FNBP1L: variants seen among roughly 807,000 people sequenced by gnomAD.
FNBP1L encodes the protein formin-binding protein 1-like.
Under a neutral mutation model 91.2 loss-of-function variants are expected in FNBP1L, and 36 were observed. The ratio of observed to expected loss-of-function variants is 0.39; its 90% confidence interval spans 0.30 to 0.52. FNBP1L has a LOEUF of 0.52. FNBP1L is among the 20% of genes least tolerant of loss of function. FNBP1L has a pLI of 0.66. For missense variants in FNBP1L, 571 were observed against 732.1 expected, an observed-to-expected ratio of 0.78 and a Z score of 2.54; for synonymous variants, 242 against 237.0, an observed-to-expected ratio of 1.02 and a Z score of -0.19.
At chr1:93,542,573 C>G (rs1307352181) in intron 11 of FNBP1L, among the ~76,000 whole-genome samples, 1 of 149,814 alleles carries the variant, frequency 6.7e-6, no homozygotes, top group East Asian at 2.0e-4. Context: ...TTAAATGTTA[C>G]ATTTAATTAT....
intron 15 of FNBP1L, among the ~76,000 whole-genome samples, chr1:93,550,004 T>C (rs1302442213): frequency 6.6e-6 from 1 of 152,166 alleles, no homozygotes; most frequent in African/African-American, 2.4e-5. Context: ...CTCCTGCAGA[T>C]TTTTAGTTCC....
Position 93,529,776 on chromosome 1 carries a change from A to C in FNBP1L, c.510+20A>C. The C allele has an allele frequency of 7.6e-7, 1 of 1,321,514 alleles. No homozygotes were observed. The highest frequency in any genetic ancestry group is 1.0e-6 in the Non-Finnish European group (1 of 965,910). 81.9% of individuals were successfully genotyped at this position (1,321,514 alleles called of 1,614,324 possible). A position where few individuals can be genotyped will look rare whatever the true frequency, so the allele number is the denominator to read the frequency against. On this transcript the variant is annotated intron_variant, in intron 6 of 16. Coordinates refer to ENST00000271234, the MANE Select transcript of FNBP1L (RefSeq NM_001164473.3). ...GAAAAGGTAAGAAATACTCCAAACC[A>C]ACTTTAATGTCAAAATATTATTATT... is the stretch of plus-strand genomic sequence containing the variant.
chr1:93,552,460 A>G lies in FNBP1L; in HGVS notation c.*44A>G. 3.1e-6 allele frequency: 5 copies of G among 1,610,446 alleles called. No individual in the cohort carries two copies. The highest frequency in any genetic ancestry group is 1.1e-5 in the South Asian group (1 of 90,354). The stretch of plus-strand genomic sequence containing the variant: ...TGGGCAAGATGTTGAAGGAGGTTAC[A>G]TGCAGCTGCTTTTGGGGGAGGGTAT... On this transcript the variant is annotated 3_prime_UTR_variant, in exon 17 of 17. Coordinates refer to ENST00000271234, the MANE Select transcript of FNBP1L (RefSeq NM_001164473.3).
At chr1:93,450,254 A>G (rs1343569107) in intron 1 of FNBP1L, among the ~76,000 whole-genome samples, 2 of 152,220 alleles carry the variant, frequency 1.3e-5, no homozygotes, top group African/African-American at 4.8e-5. Flanking sequence ...TTCAGCATTT[A>G]AAGAGTTTCT....
intron 1 of FNBP1L, among the ~76,000 whole-genome samples, chr1:93,476,697 G>C (rs1237866645): frequency 1.3e-5 from 2 of 152,022 alleles, no homozygotes; most frequent in Non-Finnish European, 2.9e-5. Flanking sequence ...GTGTGTGTGA[G>C]TGGGCAGAGG....
intron 10 of FNBP1L, among the ~76,000 whole-genome samples, 165 bp from the exon 11 acceptor site, chr1:93,540,877 T>C (rs955552022): frequency 4.6e-5 from 7 of 151,346 alleles, no homozygotes; most frequent in Non-Finnish European, 1.0e-4. Context: ...TAATTTACTT[T>C]CCCAAAATGT....
At chr1:93,534,441 G>A (rs1671781790) in intron 8 of FNBP1L, among the ~76,000 whole-genome samples, 1 of 152,012 alleles carries the variant, frequency 6.6e-6, no homozygotes, top group Non-Finnish European at 1.5e-5. Context: ...ATGAATTTCA[G>A]GTGGTTAAAG....
chr1:93,465,987 C>T (rs938883214), intron 1 of FNBP1L, among the ~76,000 whole-genome samples: 1 of 152,188 alleles, frequency 6.6e-6, no homozygotes, highest in Non-Finnish European at 1.5e-5. Context: ...TGTCTGTTGG[C>T]TGCATAAATG....
intron 6 of FNBP1L, 120 bp from the exon 7 acceptor site, chr1:93,530,635 A>G (rs1671641968): frequency 2.9e-6 from 3 of 1,029,916 alleles, no homozygotes; most frequent in Non-Finnish European, 2.8e-6. Context: ...CCACGTCATT[A>G]TTCTTTTGAT....
At chr1:93,543,968 T>G in intron 11 of FNBP1L, 139 bp from the exon 12 acceptor site, 3 of 364,610 alleles carry the variant, frequency 8.2e-6, no homozygotes, top group South Asian at 5.5e-5. Flanking sequence ...TGTAGATTTC[T>G]TTTTTTTTTA....
chr1:93,471,576 C>T (rs1251429214), intron 1 of FNBP1L, among the ~76,000 whole-genome samples: 3 of 152,126 alleles, frequency 2.0e-5, no homozygotes, highest in Non-Finnish European at 4.4e-5. Flanking sequence ...CCTGTAGTCC[C>T]CGCTACTCGG....
At chr1:93,464,457 A>G (rs1669006967) in intron 1 of FNBP1L, among the ~76,000 whole-genome samples, 1 of 152,078 alleles carries the variant, frequency 6.6e-6, no homozygotes, top group Non-Finnish European at 1.5e-5. Context: ...TGTTTGTTGG[A>G]TCTTCTTGCT....
At chr1:93,461,533 T>G (rs1219782052) in intron 1 of FNBP1L, among the ~76,000 whole-genome samples, 1 of 150,442 alleles carries the variant, frequency 6.6e-6, no homozygotes, top group Non-Finnish European at 1.5e-5. Context: ...CTAACCATCG[T>G]GTTTGTATTT....
intron 1 of FNBP1L, among the ~76,000 whole-genome samples, chr1:93,459,898 C>T (rs1260457252): frequency 6.6e-6 from 1 of 151,038 alleles, no homozygotes; most frequent in Non-Finnish European, 1.5e-5. Flanking sequence ...AGTGCCCCTT[C>T]TCTGAAATGG....
intron 2 of FNBP1L, among the ~76,000 whole-genome samples, chr1:93,508,165 T>C (rs1240901900): frequency 6.6e-6 from 1 of 151,474 alleles, no homozygotes; most frequent in Non-Finnish European, 1.5e-5. Context: ...CTGGCCAACA[T>C]GGTGAAACCC....
intron 1 of FNBP1L, among the ~76,000 whole-genome samples, chr1:93,457,071 A>G (rs575493476): frequency 6.6e-6 from 1 of 151,946 alleles, no homozygotes; most frequent in Non-Finnish European, 1.5e-5. Flanking sequence ...TATTTTTTGT[A>G]GAGATAGCGT....
Position 93,546,941 on chromosome 1 carries a change from T to C in FNBP1L, c.1374T>C (p.Ile458=), listed in dbSNP as rs1672262629. The C allele has an allele frequency of 1.2e-6, 2 of 1,612,572 alleles. No individual in the cohort carries two copies. Among genetic ancestry groups the C allele is most frequent in the African/African-American group, 1.3e-5 (1 of 74,986 alleles). Reference sequence around the variant, plus strand: ...AATTAGCAGAGACCATGAATAACATTGACCGCCTACGAATGGAAATCCATA... The same window carrying C: ...AATTAGCAGAGACCATGAATAACATCGACCGCCTACGAATGGAAATCCATA... ...QPKLAETMNN[I]DRLRMEIHKN... The change falls in exon 13 of 17, where the codon ATT becomes ATC. Residue 458 remains isoleucine (I), a synonymous_variant. Coordinates refer to ENST00000271234, the MANE Select transcript of FNBP1L (RefSeq NM_001164473.3).
intron 10 of FNBP1L, among the ~76,000 whole-genome samples, chr1:93,537,916 C>T (rs1312226154): frequency 6.6e-6 from 1 of 152,082 alleles, no homozygotes; most frequent in African/African-American, 2.4e-5. Flanking sequence ...TGATCTCAAA[C>T]TCCTGGGCTC....
chr1:93,536,770 A>G (rs1255148240), intron 10 of FNBP1L, among the ~76,000 whole-genome samples: 1 of 150,584 alleles, frequency 6.6e-6, no homozygotes, highest in African/African-American at 2.5e-5. Context: ...ATTGTCTTGT[A>G]ATGTATTTAC....
Sources: allele counts gnomAD v4.1 joint callset (sites outside exome capture counted in the v4.1 genomes callset), GRCh38; gene constraint gnomAD v4.1.1; transcripts MANE v1.5; gene names NCBI Gene and HGNC (gene_info 2026-07-23, HGNC 2026-07-21).